RMC1: variants seen among roughly 807,000 people sequenced by gnomAD.
RMC1 encodes the protein regulator of MON1-CCZ1, also known as regulator of MON1-CCZ1 complex.
RMC1 carries 44 observed loss-of-function variants against 95.5 expected under a neutral mutation model. The observed-to-expected ratio is 0.46, with a 90% confidence interval of 0.36 to 0.59. The LOEUF (loss-of-function observed/expected upper bound fraction) is 0.59, where lower values mean the gene tolerates loss of function less well. Among genes scored for constraint, RMC1 ranks in the 20% least tolerant of loss-of-function variants. The pLI is 0.00. For missense variants in RMC1, 705 were observed against 819.6 expected, an observed-to-expected ratio of 0.86 and a Z score of 1.71; for synonymous variants, 320 against 303.6, an observed-to-expected ratio of 1.05 and a Z score of -0.56.
chr18:23,529,446 T>TG (rs1197101029), intron 15 of RMC1, 148 bp downstream of exon 15: 1 of 1,346,504 alleles, frequency 7.4e-7, no homozygotes, highest in East Asian at 2.5e-5. Context: ...GCTGGTAGTT[T>TG]GGCTTCTAAT....
rs778202914 is a variant in RMC1, at chr18:23,527,949, C to T, written c.1296+48C>T. On this transcript the variant is annotated intron_variant, in intron 14 of 19. Coordinates refer to ENST00000269221, the MANE Select transcript of RMC1 (RefSeq NM_013326.5). ...AAGGGTCCTCCTCCCCCACCCCCTCCCGGGTATTTTCTAAGTAATTATGAT... is the reference window on the plus strand; with the variant it reads ...AAGGGTCCTCCTCCCCCACCCCCTCTCGGGTATTTTCTAAGTAATTATGAT... The T allele has an allele frequency of 1.3e-5, 18 of 1,435,042 alleles. 1 individual carries two copies. The highest frequency in any genetic ancestry group is 1.2e-4 in the South Asian group (10 of 80,850). The allele number at this position is 1,435,042 out of a possible 1,614,324, so 88.9% of individuals were successfully genotyped here.
In RMC1 at chr18:23,503,540, C is replaced by A. The variant is rs2057642311; in HGVS notation, c.-79C>A. On this transcript the variant is annotated 5_prime_UTR_variant, in exon 1 of 20. Transcript: ENST00000269221. ...CCGCAGCCGCAGCCGCCGCTACAGT[C>A]CGGGCCGGGCTCCACCGCGCATCCT... The A allele has an allele frequency of 3.8e-6, 4 of 1,047,942 alleles. No individual in the cohort carries two copies. The highest frequency in any genetic ancestry group is 4.0e-5 in the Admixed American group (1 of 25,260). The allele number at this position is 1,047,942 out of a possible 1,614,324, so 64.9% of individuals were successfully genotyped here. A position where few individuals can be genotyped will look rare whatever the true frequency, so the allele number is the denominator to read the frequency against.
At position 23,531,622 on chromosome 18, in the gene RMC1, T is replaced by C. The variant is rs1452703954; in HGVS notation, c.1895-3T>C. ...ACTGGCAATTAAATCTCTTCCTTTC[T>C]AGGGGAACACTGTGAAGAACATGTT... is the stretch of plus-strand genomic sequence containing the variant. On this transcript the variant is annotated splice_region_variant and splice_polypyrimidine_tract_variant and intron_variant, in intron 19 of 19. Transcript: ENST00000269221. The C allele has an allele frequency of 1.2e-6, 2 of 1,611,852 alleles. No homozygotes were observed. The highest frequency in any genetic ancestry group is 2.7e-5 in the African/African-American group (2 of 74,834).
intron 5 of RMC1, among the ~76,000 whole-genome samples, chr18:23,515,355 C>G (rs1419694843): frequency 6.6e-6 from 1 of 152,144 alleles, no homozygotes; most frequent in Non-Finnish European, 1.5e-5. Flanking sequence ...ATGCCTGCCT[C>G]TCAGTCGTGG....
At chr18:23,528,940 T>G in intron 14 of RMC1, 2 of 437,090 alleles carry the variant, frequency 4.6e-6, no homozygotes, top group Non-Finnish European at 4.0e-6. Context: ...AGTGCAATGG[T>G]GAGATCTTGG....
At chr18:23,505,777 G>T (rs1298637852) in intron 2 of RMC1, among the ~76,000 whole-genome samples, 3 of 152,300 alleles carry the variant, frequency 2.0e-5, no homozygotes, top group South Asian at 2.1e-4. Flanking sequence ...AGACCCGGGG[G>T]TCGGTTGGGT....
chr18:23,522,184 C>A (rs1399034546), intron 10 of RMC1: 1 of 152,260 alleles, frequency 6.6e-6, no homozygotes, highest in African/African-American at 2.4e-5. Context: ...GAGGAAGGAG[C>A]TGGTTCTTAA....
intron 5 of RMC1, among the ~76,000 whole-genome samples, chr18:23,515,285 G>A (rs575303879): frequency 2.0e-5 from 3 of 152,294 alleles, no homozygotes; most frequent in African/African-American, 7.2e-5. Context: ...CTTTGTTAAG[G>A]GGCAGGTTCC....
chr18:23,521,560 G>T (rs2058141142), intron 10 of RMC1, among the ~76,000 whole-genome samples: 1 of 152,202 alleles, frequency 6.6e-6, no homozygotes, highest in African/African-American at 2.4e-5. Context: ...GAGAGGTGGG[G>T]TTGGGAAGTC....
chr18:23,524,268 A>AAC, intron 11 of RMC1, 94 bp downstream of exon 11: 1 of 1,540,730 alleles, frequency 6.5e-7, no homozygotes, highest in Non-Finnish European at 8.9e-7. Flanking sequence ...AGCTGTGAAT[A>AAC]ACACTCCGAG....
At chr18:23,522,317 A>G (rs1598888568) in intron 10 of RMC1, 1 of 152,190 alleles carries the variant, frequency 6.6e-6, no homozygotes. Context: ...TCTGCTGCCC[A>G]CTTGGCATGA....
chr18:23,527,713 GT>G (rs761772079), intron 13 of RMC1, 81 bp from the exon 14 acceptor site: 24 of 1,074,984 alleles, frequency 2.2e-5, no homozygotes, highest in African/African-American at 4.8e-5. Flanking sequence ...TTTGAGATTA[GT>G]TTTTATCATA....
At chr18:23,516,199 G>A in intron 6 of RMC1, 121 bp from the exon 7 acceptor site, 1 of 1,352,552 alleles carries the variant, frequency 7.4e-7, no homozygotes, top group Non-Finnish European at 1.0e-6. Flanking sequence ...GAGGACATGG[G>A]GGACGGTGGA....
chr18:23,526,788 GCT>G lies in RMC1; in HGVS notation c.1189+26_1189+27del, dbSNP rs2058310058. On this transcript the variant is annotated intron_variant, in intron 13 of 19. Coordinates refer to ENST00000269221, the MANE Select transcript of RMC1 (RefSeq NM_013326.5). ...AGAGTAAGTTGAATCCTTCCCCCTT[GCT>G]CTGATTCCAGTGTGAGGCCTGTGCT... 1.9e-6 allele frequency: 3 copies of G among 1,611,692 alleles called. No homozygotes were observed. The South Asian group carries it at 3.3e-5, about 18-fold the overall frequency.
At chr18:23,517,348 C>T (rs961548842) in intron 7 of RMC1, among the ~76,000 whole-genome samples, 2 of 152,182 alleles carry the variant, frequency 1.3e-5, no homozygotes, top group East Asian at 1.9e-4. Flanking sequence ...CAGGGTTTCA[C>T]CATGTTGGCC....
intron 5 of RMC1, among the ~76,000 whole-genome samples, chr18:23,514,152 T>A (rs544365251): frequency 6.6e-6 from 1 of 152,338 alleles, no homozygotes; most frequent in East Asian, 1.9e-4. Flanking sequence ...TAATTTAGAA[T>A]GTATGGTTAG....
chr18:23,529,869 G>GT (rs1350260020), intron 16 of RMC1, 157 bp downstream of exon 16: 4 of 1,029,948 alleles, frequency 3.9e-6, no homozygotes, highest in Non-Finnish European at 5.8e-6. Flanking sequence ...AATGGGAAGT[G>GT]TAAGGTCAAG....
chr18:23,530,321 A>G (rs375373261), intron 18 of RMC1, 24 bp downstream of exon 18: 2 of 1,614,168 alleles, frequency 1.2e-6, no homozygotes, highest in Admixed American at 3.3e-5. Context: ...GTGAGGTTTT[A>G]GACTATGGAA....
chr18:23,520,403 G>T, intron 10 of RMC1, 90 bp downstream of exon 10: 1 of 1,046,098 alleles, frequency 9.6e-7, no homozygotes, highest in East Asian at 2.7e-5. Context: ...GTTAAAAGTG[G>T]AGTGAGGAAT....
Sources: gnomAD v4.1 joint callset for allele counts (sites outside exome capture counted in the v4.1 genomes callset) on GRCh38, gnomAD v4.1.1 for gene constraint, MANE v1.5 for transcripts, NCBI Gene and HGNC (gene_info 2026-07-23, HGNC 2026-07-21) for gene names.